CNTN5: variants seen among roughly 807,000 people sequenced by gnomAD.
CNTN5 encodes contactin 5.
Under a neutral mutation model 129.1 loss-of-function variants are expected in CNTN5, and 77 were observed. The observed-to-expected ratio is 0.60, with a 90% CI of 0.50 to 0.72. The LOEUF is 0.72. CNTN5 is among the 30% of genes least tolerant of loss of function. The pLI is 0.00. For synonymous variants in CNTN5, 509 were observed against 465.6 expected, an observed-to-expected ratio of 1.09 and a Z score of -1.20; for missense variants, 1,478 against 1,328.8, an observed-to-expected ratio of 1.11 and a Z score of -1.75.
At position 99,249,139 on chromosome 11, in the gene CNTN5, C is replaced by T. The variant is rs189767507; in HGVS notation, c.-209-76207C>T. The stretch of plus-strand genomic sequence containing the variant: ...CATTTGTTCGCATCCTCTTTTATTT[C>T]GTTGAGCAGTGGTTTGTAGTTCTCC... On this transcript the variant is annotated intron_variant, in intron 1 of 24. Transcript: ENST00000524871. Among the ~76,000 whole-genome samples, 886 of 152,206 alleles carry T rather than the reference C, an allele frequency of 5.8e-3. 13 individuals are homozygous for T. Among genetic ancestry groups the T allele is most frequent in the African/African-American group, 0.02 (839 of 41,528 alleles).
intron 3 of CNTN5, among the ~76,000 whole-genome samples, chr11:99,564,582 A>G (rs191760299): frequency 3.9e-5 from 6 of 152,346 alleles, no homozygotes; most frequent in African/African-American, 1.2e-4. Context: ...ATTAACTTCA[A>G]GAAAATCTAA....
chr11:99,456,913 G>A (rs922650611), intron 2 of CNTN5, among the ~76,000 whole-genome samples: 1 of 151,984 alleles, frequency 6.6e-6, no homozygotes, highest in East Asian at 1.9e-4. Flanking sequence ...AGTAGTACTT[G>A]ACTCATTTTG....
intron 18 of CNTN5, among the ~76,000 whole-genome samples, chr11:100,284,249 C>T (rs1950714067): frequency 6.6e-6 from 1 of 152,136 alleles, no homozygotes; most frequent in South Asian, 2.1e-4. Flanking sequence ...ATTTTTGGTT[C>T]TTACAAAAGT....
At chr11:100,000,100 G>A (rs2407310) in intron 8 of CNTN5, among the ~76,000 whole-genome samples, 67,247 of 150,600 alleles carry the variant, frequency 0.45, 15,978 homozygotes, top group African/African-American at 0.6. Flanking sequence ...TGGCACATGT[G>A]TACATATGTA....
intron 6 of CNTN5, among the ~76,000 whole-genome samples, chr11:99,915,389 C>G (rs1178962631): frequency 6.6e-6 from 1 of 152,038 alleles, no homozygotes; most frequent in African/African-American, 2.4e-5. Context: ...GGCCATTGAT[C>G]TCCAATACTA....
At chr11:100,060,115 C>A (rs1301483604) in intron 9 of CNTN5, among the ~76,000 whole-genome samples, 1 of 151,278 alleles carries the variant, frequency 6.6e-6, no homozygotes, top group East Asian at 2.0e-4. Context: ...GAAACTGAGG[C>A]AGGAGAATTG....
At chr11:99,066,441 T>C (rs997959516) in intron 1 of CNTN5, among the ~76,000 whole-genome samples, 2 of 152,092 alleles carry the variant, frequency 1.3e-5, no homozygotes, top group African/African-American at 4.8e-5. Flanking sequence ...CTGCTGATTG[T>C]AAGTACCTAT....
intron 9 of CNTN5, among the ~76,000 whole-genome samples, chr11:100,030,361 C>T (rs1168152186): frequency 6.6e-6 from 1 of 152,182 alleles, no homozygotes; most frequent in Admixed American, 6.5e-5. Flanking sequence ...GGCAGCAGAG[C>T]AAGACCTTGT....
Position 99,844,847 on chromosome 11 carries a change from T to A in CNTN5, c.278-5T>A. ...ATTTAAAATGTGTCTGTTTTGTCTT[T>A]ACAGAAAGTGTGGACTATGGGCCAG... On this transcript the variant is annotated splice_polypyrimidine_tract_variant and splice_region_variant and intron_variant, in intron 4 of 24. Coordinates refer to ENST00000524871, the MANE Select transcript of CNTN5 (RefSeq NM_014361.4). 6.2e-7 allele frequency: 1 copy of A among 1,609,274 alleles called. No homozygotes were observed. Among genetic ancestry groups the A allele is most frequent in the Non-Finnish European group, 8.5e-7 (1 of 1,178,142 alleles).
At chr11:99,235,245 T>G (rs1280405736) in intron 1 of CNTN5, among the ~76,000 whole-genome samples, 2 of 151,938 alleles carry the variant, frequency 1.3e-5, no homozygotes, top group African/African-American at 4.8e-5. Context: ...TATACTAAAA[T>G]GGAGATGAAG....
intron 1 of CNTN5, among the ~76,000 whole-genome samples, chr11:99,169,605 T>A (rs116753735): frequency 0.017 from 2,627 of 152,262 alleles, 64 homozygotes; most frequent in African/African-American, 0.059. Flanking sequence ...GCTGTTGGAT[T>A]ACCACTGTCT....
intron 7 of CNTN5, among the ~76,000 whole-genome samples, chr11:99,951,566 A>T (rs189144299): frequency 9.0e-4 from 137 of 152,276 alleles, no homozygotes; most frequent in African/African-American, 3.1e-3. Flanking sequence ...TTAACCTCTG[A>T]TAGGGATTGG....
At chr11:99,407,411 C>T (rs7111651) in intron 2 of CNTN5, among the ~76,000 whole-genome samples, 25,945 of 150,026 alleles carry the variant, frequency 0.17, 2,252 homozygotes, top group South Asian at 0.23. Flanking sequence ...CCTGCTGTGG[C>T]TGAGCTGGTA....
chr11:100,292,872 A>C (rs771969122), intron 18 of CNTN5, among the ~76,000 whole-genome samples: 2 of 151,982 alleles, frequency 1.3e-5, no homozygotes, highest in Non-Finnish European at 2.9e-5. Context: ...TTCAGAAAAC[A>C]GTCGTTTAAT....
At chr11:99,602,318 T>G (rs1172380293) in intron 3 of CNTN5, among the ~76,000 whole-genome samples, 1 of 152,124 alleles carries the variant, frequency 6.6e-6, no homozygotes, top group Non-Finnish European at 1.5e-5. Context: ...TGATGGAGAA[T>G]AGAAATAGAT....
At chr11:99,635,588 C>A (rs191898849) in intron 3 of CNTN5, among the ~76,000 whole-genome samples, 4 of 151,834 alleles carry the variant, frequency 2.6e-5, no homozygotes, top group Admixed American at 2.6e-4. Flanking sequence ...TGAGTAGTAA[C>A]CTCTGCAGGG....
At chr11:100,053,193 A>T (rs928762522) in intron 9 of CNTN5, among the ~76,000 whole-genome samples, 9 of 151,844 alleles carry the variant, frequency 5.9e-5, no homozygotes, top group African/African-American at 1.9e-4. Context: ...TGGAGTCAGA[A>T]AATACTTCTT....
chr11:99,851,046 C>G (rs1023285882), intron 6 of CNTN5, among the ~76,000 whole-genome samples: 2 of 204 alleles, frequency 9.8e-3, no homozygotes, highest in African/African-American at 0.045. Context: ...ATTTGGACAA[C>G]TAACAGATTT....
chr11:99,678,633 T>A (rs1007228520), intron 3 of CNTN5, among the ~76,000 whole-genome samples: 2 of 151,854 alleles, frequency 1.3e-5, no homozygotes, highest in African/African-American at 2.4e-5. Context: ...CCTGTGAGTG[T>A]GGGAGGGAAG....
Sources: allele counts gnomAD v4.1 joint callset (sites outside exome capture counted in the v4.1 genomes callset), GRCh38; gene constraint gnomAD v4.1.1; transcripts MANE v1.5; gene names NCBI Gene and HGNC (gene_info 2026-07-23, HGNC 2026-07-21).